Variants in RYR2 observed in about 807,000 individuals in gnomAD.
The protein encoded by RYR2 is ryanodine receptor 2.
In RYR2, 227 loss-of-function variants were observed where a neutral mutation model predicts 601.1. That is an observed-to-expected ratio of 0.38 (90% CI 0.34 to 0.42). RYR2 has a LOEUF of 0.42. Ranked by LOEUF, RYR2 falls within the 10% of genes least tolerant of loss-of-function variation. RYR2 has a pLI of 1.00. For missense variants in RYR2, 4,646 were observed against 6,156.5 expected, an observed-to-expected ratio of 0.75 and a Z score of 8.21; for synonymous variants, 2,223 against 2,175.1, an observed-to-expected ratio of 1.02 and a Z score of -0.61.
chr1:237,054,130 G>C (rs566339442), intron 1 of RYR2, among the ~76,000 whole-genome samples: 2 of 152,194 alleles, frequency 1.3e-5, no homozygotes, highest in East Asian at 3.9e-4. Flanking sequence ...GGCGAGCCCA[G>C]GGTTTTCAGA....
intron 2 of RYR2, among the ~76,000 whole-genome samples, chr1:237,289,304 T>A (rs1484416795): frequency 6.6e-6 from 1 of 152,160 alleles, no homozygotes; most frequent in Non-Finnish European, 1.5e-5. Flanking sequence ...TGCAATCTAG[T>A]CCTGCCTCCC....
rs1662248813 is a variant in RYR2 at position 237,819,839 on chromosome 1, A to G, written c.14590+647A>G. Reference sequence around the variant, plus strand: ...ATTTCAAAACACACACTCAAACCCAACAACAACAACAACAACAAAAACTTC... The same window carrying G: ...ATTTCAAAACACACACTCAAACCCAGCAACAACAACAACAACAAAAACTTC... On this transcript the variant is annotated intron_variant, in intron 101 of 104. Transcript: ENST00000366574. This position sits in a 1 kb window ranked among gnomAD's most constrained non-coding sequence, Gnocchi z 4.0. Among the ~76,000 whole-genome samples the G allele has an allele frequency of 6.6e-6, 1 of 151,590 alleles. No individual in the cohort carries two copies. Among genetic ancestry groups the G allele is most frequent in the African/African-American group, 2.4e-5 (1 of 41,234 alleles).
At chr1:237,306,371 G>A (rs1439280533) in intron 2 of RYR2, among the ~76,000 whole-genome samples, 1 of 152,136 alleles carries the variant, frequency 6.6e-6, no homozygotes, top group Non-Finnish European at 1.5e-5. Context: ...AGCAATCAAT[G>A]ACAGATAGTA....
At chr1:237,070,456 G>GC (rs993238257) in intron 1 of RYR2, among the ~76,000 whole-genome samples, 2 of 152,160 alleles carry the variant, frequency 1.3e-5, no homozygotes, top group African/African-American at 4.8e-5. Flanking sequence ...CTGGTTTCAA[G>GC]CATTTCTTCT....
At chr1:237,402,351 C>T (rs774852689) in intron 10 of RYR2, among the ~76,000 whole-genome samples, 2 of 149,554 alleles carry the variant, frequency 1.3e-5, no homozygotes, top group Non-Finnish European at 3.0e-5. Flanking sequence ...TGTGTCACTG[C>T]ACTCCAGTCT....
Position 237,687,514 on chromosome 1 carries a change from C to T in RYR2, c.9067+10C>T, listed in dbSNP as rs372631657. ...AGGATTTCACTATTTGGTAAGGAGACCCTTGAAAAAATACAAGCATGGCCA... is the reference window on the plus strand; with the variant it reads ...AGGATTTCACTATTTGGTAAGGAGATCCTTGAAAAAATACAAGCATGGCCA... On this transcript the variant is annotated intron_variant, in intron 63 of 104. Transcript: ENST00000366574. 2.5e-4 allele frequency: 401 copies of T among 1,602,570 alleles called. 1 individual carries two copies. The highest frequency in any genetic ancestry group is 3.2e-4 in the Non-Finnish European group (378 of 1,171,590).
At chr1:237,779,583 G>A (rs1355129735) in intron 88 of RYR2, among the ~76,000 whole-genome samples, 1 of 152,162 alleles carries the variant, frequency 6.6e-6, no homozygotes, top group Non-Finnish European at 1.5e-5. Flanking sequence ...CTTCCCTGAG[G>A]CCTTGTTTCT....
intron 3 of RYR2, among the ~76,000 whole-genome samples, chr1:237,345,329 A>G (rs1215221367): frequency 6.6e-6 from 1 of 152,110 alleles, no homozygotes; most frequent in Non-Finnish European, 1.5e-5. Flanking sequence ...TTCATAGTAT[A>G]TAGATCTAAA....
At chr1:237,515,231 GT>G (rs1355461257) in intron 24 of RYR2, among the ~76,000 whole-genome samples, 2 of 152,092 alleles carry the variant, frequency 1.3e-5, no homozygotes, top group African/African-American at 4.8e-5. Flanking sequence ...TCAGTTTCTG[GT>G]TTAGTTTTTA....
intron 52 of RYR2, among the ~76,000 whole-genome samples, chr1:237,654,802 C>T (rs1229830551): frequency 6.6e-6 from 1 of 152,168 alleles, no homozygotes; most frequent in East Asian, 1.9e-4. Flanking sequence ...ATTGTAATAT[C>T]CCAGTGCCCT....
chr1:237,732,963 T>G (rs540778065), intron 78 of RYR2, among the ~76,000 whole-genome samples: 23 of 152,332 alleles, frequency 1.5e-4, no homozygotes, highest in African/African-American at 5.3e-4. Context: ...TTGCCTGCCA[T>G]AATAATGTAC....
At chr1:237,594,947 A>T (rs1842088) in intron 33 of RYR2, among the ~76,000 whole-genome samples, 2 of 93,592 alleles carry the variant, frequency 2.1e-5, no homozygotes, top group African/African-American at 1.1e-4. Flanking sequence ...TTCTAGTTAA[A>T]TCTGTCTCTC....
At chr1:237,384,217 C>T (rs1701791980) in intron 8 of RYR2, among the ~76,000 whole-genome samples, 1 of 152,122 alleles carries the variant, frequency 6.6e-6, no homozygotes, top group African/African-American at 2.4e-5. Context: ...TTTTCATATG[C>T]TTATGGTTCT....
chr1:237,279,052 A>G lies in RYR2; in HGVS notation c.168+8436A>G, dbSNP rs1009727940. Among the ~76,000 whole-genome samples the G allele has an allele frequency of 2.0e-5, 3 of 152,208 alleles. No homozygotes were observed. The East Asian group carries it at 5.8e-4, about 29-fold the overall frequency. ...TAATATACGAGCAGATTTTAAATAA[A>G]TGCTATATGTTTTTTTCATAGAGCA... On this transcript the variant is annotated intron_variant, in intron 2 of 104. Coordinates refer to ENST00000366574, the MANE Select transcript of RYR2 (RefSeq NM_001035.3).
chr1:237,127,239 C>T (rs1298997942), intron 1 of RYR2, among the ~76,000 whole-genome samples: 2 of 152,144 alleles, frequency 1.3e-5, no homozygotes, highest in Admixed American at 6.5e-5. Context: ...CCACCTTTCC[C>T]GCCTTTCTAT....
intron 2 of RYR2, among the ~76,000 whole-genome samples, chr1:237,299,707 T>A (rs1335167379): frequency 6.6e-6 from 1 of 152,174 alleles, no homozygotes; most frequent in African/African-American, 2.4e-5. Flanking sequence ...TATTGTGGGT[T>A]GTAAATGTTT....
intron 1 of RYR2, among the ~76,000 whole-genome samples, chr1:237,171,862 T>C (rs1289348914): frequency 6.6e-6 from 1 of 152,026 alleles, no homozygotes; most frequent in Non-Finnish European, 1.5e-5. Flanking sequence ...CATAAGGAGG[T>C]TTTCAATGGG....
chr1:237,649,186 AGTTAT>A (rs1682469293), intron 49 of RYR2, among the ~76,000 whole-genome samples: 1 of 152,200 alleles, frequency 6.6e-6, no homozygotes, highest in African/African-American at 2.4e-5. Flanking sequence ...TTATTGTAGT[AGTTAT>A]GCTACTATAC....
intron 1 of RYR2, among the ~76,000 whole-genome samples, chr1:237,210,415 C>T (rs189136574): frequency 4.0e-4 from 61 of 152,226 alleles, no homozygotes; most frequent in Non-Finnish European, 7.6e-4. Context: ...CTCCTGAAAT[C>T]TCTCCTTGGA....
Sources: allele counts gnomAD v4.1 joint callset (sites outside exome capture counted in the v4.1 genomes callset), GRCh38; gene constraint gnomAD v4.1.1; non-coding constraint Gnocchi (gnomAD v3.1); transcripts MANE v1.5; gene names NCBI Gene and HGNC (gene_info 2026-07-23, HGNC 2026-07-21).